RNF220: variants seen among roughly 807,000 people sequenced by gnomAD.
RNF220 encodes the protein E3 ubiquitin-protein ligase RNF220.
In RNF220, 7 loss-of-function variants were observed where a neutral mutation model predicts 67.1. The ratio of observed to expected loss-of-function variants is 0.10; its 90% CI spans 0.06 to 0.20. The LOEUF (loss-of-function observed/expected upper bound fraction) is 0.20. RNF220 is among the 10% of genes least tolerant of loss of function. RNF220 has a pLI of 1.00. For missense variants in RNF220, 565 were observed against 740.3 expected (o/e 0.76, Z 2.75); for synonymous variants, 270 against 283.2 (o/e 0.95, Z 0.47).
chr1:44,465,157 A>G (rs1371879386), intron 2 of RNF220, among the ~76,000 whole-genome samples: 3 of 152,264 alleles, frequency 2.0e-5, no homozygotes, highest in Admixed American at 6.5e-5. Context: ...CTGTTTCTAC[A>G]CTATCATAAT....
chr1:44,569,606 C>T (rs369480571), intron 2 of RNF220, among the ~76,000 whole-genome samples: 1 of 152,192 alleles, frequency 6.6e-6, no homozygotes, highest in African/African-American at 2.4e-5. Flanking sequence ...CCAGAGGCAC[C>T]GCCTGTCAGG....
intron 2 of RNF220, among the ~76,000 whole-genome samples, chr1:44,568,569 A>G (rs2148311124): frequency 1.3e-5 from 2 of 152,366 alleles, no homozygotes; most frequent in South Asian, 4.1e-4. Flanking sequence ...AAGACCCTAG[A>G]GAAATGTACT....
intron 2 of RNF220, among the ~76,000 whole-genome samples, chr1:44,556,356 T>C (rs941379183): frequency 2.0e-5 from 3 of 150,470 alleles, no homozygotes; most frequent in Non-Finnish European, 4.4e-5. Context: ...TAAAGAAAGG[T>C]AGTGTATTTC....
At position 44,614,242 on chromosome 1, in the gene RNF220, G is replaced by A. The variant is rs1643445957; in HGVS notation, c.703G>A (p.Glu235Lys). Residue 235 changes from glutamate to lysine, a missense_variant, in exon 3 of 15, where the codon GAG becomes AAG. Glu to Lys is a moderately conservative substitution (Grantham distance 56). Coordinates refer to ENST00000361799, the MANE Select transcript of RNF220 (RefSeq NM_018150.4). ...PICQVLLRPS[E>K]LQEHMEQELE... ...CTGCCAGGTCCTGCTGAGGCCCAGT[G>A]AGCTGCAGGAGCATATGGAGCAGGA... 6.2e-7 allele frequency: 1 copy of A among 1,614,188 alleles called. No individual in the cohort carries two copies. The highest frequency in any genetic ancestry group is 8.5e-7 in the Non-Finnish European group (1 of 1,180,032).
chr1:44,649,591 G>GGGA lies in RNF220; in HGVS notation c.1446-67_1446-65dup. The stretch of plus-strand genomic sequence containing the variant: ...TTATGTATTTGGTTCTGGAATTCAA[G>GGGA]GGAGGCGTAGGCTGGAGGTACAGAT... On this transcript the variant is annotated intron_variant, in intron 12 of 14. Coordinates refer to ENST00000361799, the MANE Select transcript of RNF220 (RefSeq NM_018150.4). This position sits in a 1 kb window ranked among gnomAD's most constrained non-coding sequence, Gnocchi z 5.9. 1 of 1,403,306 alleles carries GGGA rather than the reference G, an allele frequency of 7.1e-7. No individual in the cohort carries two copies. Among genetic ancestry groups the GGGA allele is most frequent in the Non-Finnish European group, 1.0e-6 (1 of 991,760 alleles). The allele number at this position is 1,403,306 out of a possible 1,614,324, so 86.9% of individuals were successfully genotyped here. A position where few individuals can be genotyped will look rare whatever the true frequency, so the allele number is the denominator to read the frequency against.
chr1:44,413,859 C>T (rs1226931918), intron 2 of RNF220, among the ~76,000 whole-genome samples: 1 of 152,192 alleles, frequency 6.6e-6, no homozygotes, highest in African/African-American at 2.4e-5. Context: ...TCTCCCCTGT[C>T]GCCACTGCTT....
chr1:44,460,249 A>AC (rs1653631392), intron 2 of RNF220, among the ~76,000 whole-genome samples: 1 of 152,000 alleles, frequency 6.6e-6, no homozygotes, highest in Non-Finnish European at 1.5e-5. Context: ...AGCAGAACAG[A>AC]CCCCGGCTGT....
rs993643030 is a variant in RNF220, at chr1:44,622,532, C to G, written c.759-210C>G. Among the ~76,000 whole-genome samples, 2 of 152,226 alleles carry G rather than the reference C, an allele frequency of 1.3e-5. No homozygotes were observed. The highest frequency in any genetic ancestry group is 2.9e-5 in the Non-Finnish European group (2 of 68,038). ...TGTGTCTCCCTCCCAGGGGCCAGCA[C>G]TAGCCCTTGGCCCAAGAGAGAGGCT... On this transcript the variant is annotated intron_variant, in intron 3 of 14. Coordinates refer to ENST00000361799, the MANE Select transcript of RNF220 (RefSeq NM_018150.4). This position sits in a 1 kb window ranked among gnomAD's most constrained non-coding sequence, Gnocchi z 4.3.
chr1:44,635,293 C>T, intron 6 of RNF220: 2 of 511,144 alleles, frequency 3.9e-6, no homozygotes, highest in Non-Finnish European at 7.0e-6. Flanking sequence ...TATGGGTAGA[C>T]CTTGCACCAG....
chr1:44,488,010 C>T (rs1264940803), intron 2 of RNF220, among the ~76,000 whole-genome samples: 2 of 151,422 alleles, frequency 1.3e-5, no homozygotes, highest in Non-Finnish European at 2.9e-5. Flanking sequence ...TGCCCTTTCA[C>T]CCAGGCTGGA....
rs372426001 is a variant in RNF220, at chr1:44,622,693, C to T, written c.759-49C>T. ...CTTCTTGCTACTCTACCGTTGCATGCCCTGGGCAGCAGGTAGAATGGTTAC... is the reference window on the plus strand; with the variant it reads ...CTTCTTGCTACTCTACCGTTGCATGTCCTGGGCAGCAGGTAGAATGGTTAC... On this transcript the variant is annotated intron_variant, in intron 3 of 14. Transcript: ENST00000361799. The surrounding 1 kb of genome is among the most constrained non-coding windows in gnomAD (Gnocchi z 4.3). 4 of 1,550,504 alleles carry T rather than the reference C, an allele frequency of 2.6e-6. No homozygotes were observed. Among genetic ancestry groups the T allele is most frequent in the Non-Finnish European group, 3.6e-6 (4 of 1,122,452 alleles).
intron 1 of RNF220, among the ~76,000 whole-genome samples, chr1:44,409,175 G>A (rs1647717040): frequency 6.6e-6 from 1 of 150,968 alleles, no homozygotes; most frequent in African/African-American, 2.5e-5. Flanking sequence ...TTAAACCAGG[G>A]TCAGGAGTGT....
intron 8 of RNF220, among the ~76,000 whole-genome samples, chr1:44,642,243 C>T (rs1236490366): frequency 6.6e-6 from 1 of 152,308 alleles, no homozygotes; most frequent in East Asian, 1.9e-4. Context: ...TGTATAAGAA[C>T]GTGGGAAGCC....
intron 2 of RNF220, among the ~76,000 whole-genome samples, chr1:44,519,713 T>C (rs1324202887): frequency 2.0e-5 from 3 of 152,078 alleles, no homozygotes; most frequent in African/African-American, 7.2e-5. Context: ...CATCTCTCCA[T>C]GTAGAGAGAA....
chr1:44,493,045 A>G (rs1656998934), intron 2 of RNF220, among the ~76,000 whole-genome samples: 1 of 151,966 alleles, frequency 6.6e-6, no homozygotes, highest in African/African-American at 2.4e-5. Context: ...AATGCATGCT[A>G]CCTTGCCTGG....
At chr1:44,508,058 T>A (rs985451196) in intron 2 of RNF220, among the ~76,000 whole-genome samples, 1 of 151,924 alleles carries the variant, frequency 6.6e-6, no homozygotes, top group African/African-American at 2.4e-5. Context: ...TCAATTAACT[T>A]TTCCTCTCTT....
chr1:44,634,711 G>A (rs1644273654), intron 6 of RNF220, among the ~76,000 whole-genome samples: 1 of 152,238 alleles, frequency 6.6e-6, no homozygotes, highest in African/African-American at 2.4e-5. Flanking sequence ...AGGGATTAGT[G>A]AGCTAATTAG....
chr1:44,631,299 G>A (rs1421607100), intron 5 of RNF220, among the ~76,000 whole-genome samples: 3 of 152,238 alleles, frequency 2.0e-5, no homozygotes, highest in Non-Finnish European at 2.9e-5. Context: ...CAGAGGTGGA[G>A]ATGAGAAAAT....
At chr1:44,636,780 C>T (rs535360403) in intron 8 of RNF220, among the ~76,000 whole-genome samples, 1 of 152,366 alleles carries the variant, frequency 6.6e-6, no homozygotes, top group African/African-American at 2.4e-5. Context: ...CCCTCCTTCC[C>T]TTGGGCTCTC....
Sources: gnomAD v4.1 joint callset for allele counts (sites outside exome capture counted in the v4.1 genomes callset) on GRCh38, gnomAD v4.1.1 for gene constraint, Gnocchi (gnomAD v3.1) non-coding constraint, MANE v1.5 for transcripts, NCBI Gene and HGNC (gene_info 2026-07-23, HGNC 2026-07-21) for gene names.